PROM1: variants seen among roughly 807,000 people sequenced by gnomAD.
PROM1 encodes the protein prominin 1, also known as prominin-1.
A neutral mutation model predicts 116.9 loss-of-function variants in PROM1; 105 were observed. The ratio of observed to expected loss-of-function variants is 0.90; its 90% CI spans 0.77 to 1.06. The LOEUF is 1.06. Ranked by LOEUF, PROM1 falls within the 50% of genes least tolerant of loss-of-function variation. The pLI is 0.00. For missense variants in PROM1, 1,122 were observed against 1,045.2 expected (o/e 1.07, Z -1.01); for synonymous variants, 393 against 387.0 (o/e 1.02, Z -0.18).
intron 5 of PROM1, among the ~76,000 whole-genome samples, chr4:16,027,230 A>G (rs1376932927): frequency 1.3e-5 from 2 of 152,106 alleles, no homozygotes; most frequent in African/African-American, 4.8e-5. Context: ...AGAGTTATGA[A>G]ATCAGGCACT....
At chr4:15,991,348 C>T (rs1483306693) in intron 17 of PROM1, 55 bp from the exon 18 acceptor site, 3 of 1,213,270 alleles carry the variant, frequency 2.5e-6, no homozygotes, top group South Asian at 3.0e-5. Context: ...TAAGCCTTAA[C>T]ACAACATCTA....
At chr4:16,014,767 C>T (rs1727868925) in intron 10 of PROM1, among the ~76,000 whole-genome samples, 1 of 152,002 alleles carries the variant, frequency 6.6e-6, no homozygotes, top group African/African-American at 2.4e-5. Context: ...TCCCATAGGC[C>T]CAGGCACTCT....
At chr4:16,028,570 T>C (rs1731918479) in intron 5 of PROM1, among the ~76,000 whole-genome samples, 1 of 152,110 alleles carries the variant, frequency 6.6e-6, no homozygotes, top group Non-Finnish European at 1.5e-5. Context: ...CAAACACAAA[T>C]AAAGAACAAA....
chr4:16,031,022 G>C (rs767463129), intron 5 of PROM1, among the ~76,000 whole-genome samples: 42 of 152,064 alleles, frequency 2.8e-4, no homozygotes, highest in Non-Finnish European at 5.0e-4. Context: ...CTCCAACCTG[G>C]GTGACACAGC....
chr4:16,026,520 G>T (rs1180840209), intron 5 of PROM1, among the ~76,000 whole-genome samples: 1 of 152,178 alleles, frequency 6.6e-6, no homozygotes, highest in Non-Finnish European at 1.5e-5. Context: ...ATCAGATGCA[G>T]AAAATCAATA....
chr4:16,001,061 C>T (rs775470959), intron 13 of PROM1, among the ~76,000 whole-genome samples: 37 of 152,202 alleles, frequency 2.4e-4, no homozygotes, highest in Non-Finnish European at 2.1e-4. Flanking sequence ...CAGGTGCCAA[C>T]GTGGATGGGA....
At chr4:16,040,270 C>T (rs559795500) in intron 2 of PROM1, among the ~76,000 whole-genome samples, 8 of 57,874 alleles carry the variant, frequency 1.4e-4, no homozygotes, top group African/African-American at 3.8e-4. Context: ...GATTATGCTG[C>T]AGGAACAGAG....
intron 13 of PROM1, among the ~76,000 whole-genome samples, chr4:16,002,663 A>G (rs1228317476): frequency 7.0e-6 from 1 of 142,512 alleles, no homozygotes. Flanking sequence ...GAGAGCACAA[A>G]GAAGAAGTGA....
rs541558553 is a variant in PROM1 at position 15,985,175 on chromosome 4, T to C, written c.2280+585A>G. Reference sequence around the variant, plus strand: ...ACCAACTATTTACATAGCATGTACATTGTATTAGGTATTATAAGTAATCTA... The same window carrying C: ...ACCAACTATTTACATAGCATGTACACTGTATTAGGTATTATAAGTAATCTA... On this transcript the variant is annotated intron_variant, in intron 22 of 27. Transcript: ENST00000447510. 6.1e-4 allele frequency among the ~76,000 whole-genome samples: 93 copies of C among 152,290 alleles called. 1 individual carries two copies. Among genetic ancestry groups the C allele is most frequent in the African/African-American group, 2.1e-3 (89 of 41,536 alleles).
chr4:15,980,929 A>T (rs948753742), intron 23 of PROM1, among the ~76,000 whole-genome samples: 5 of 130,230 alleles, frequency 3.8e-5, no homozygotes, highest in Non-Finnish European at 8.6e-5. Flanking sequence ...TTTGAGTTTC[A>T]GTCCCTCTTA....
At position 16,076,017 on chromosome 4, in the gene PROM1, C is replaced by G. The variant is rs1743885553; in HGVS notation, c.-111G>C. On this transcript the variant is annotated 5_prime_UTR_variant, in exon 2 of 28. Coordinates refer to ENST00000447510, the MANE Select transcript of PROM1 (RefSeq NM_006017.3). ...TCCTGGGCAGAAGAGGAGCAGGAAG[C>G]ACTGGATCTGCTGAATCTTCAGTTT... The G allele has an allele frequency of 2.1e-6, 3 of 1,449,282 alleles. No homozygotes were observed. The highest frequency in any genetic ancestry group is 2.7e-6 in the Non-Finnish European group (3 of 1,100,516). The allele number at this position is 1,449,282 out of a possible 1,614,324, so 89.8% of individuals were successfully genotyped here.
At chr4:15,974,112 C>CTT (rs1381416420) in intron 26 of PROM1, among the ~76,000 whole-genome samples, 7 of 68,026 alleles carry the variant, frequency 1.0e-4, no homozygotes, top group African/African-American at 1.7e-4. Flanking sequence ...CACACACTCT[C>CTT]TCTCTTTCTC....
At chr4:16,077,592 G>A (rs1009258173) in intron 1 of PROM1, among the ~76,000 whole-genome samples, 6 of 152,024 alleles carry the variant, frequency 3.9e-5, no homozygotes, top group South Asian at 4.2e-4. Context: ...TCCACCTAAC[G>A]AGAAACACCC....
intron 13 of PROM1, among the ~76,000 whole-genome samples, chr4:16,004,325 C>CA (rs1293175795): frequency 1.3e-5 from 2 of 152,180 alleles, no homozygotes; most frequent in Admixed American, 1.3e-4. Context: ...CACAGGTCTC[C>CA]ATGTCTATAG....
chr4:15,984,502 G>A, intron 22 of PROM1, 147 bp from the exon 23 acceptor site: 2 of 551,684 alleles, frequency 3.6e-6, no homozygotes, highest in Non-Finnish European at 6.4e-6. Context: ...GGTCACAGAT[G>A]GATACCAGCT....
chr4:15,973,070 G>C (rs1259562281), intron 26 of PROM1, among the ~76,000 whole-genome samples: 1 of 152,206 alleles, frequency 6.6e-6, no homozygotes, highest in Non-Finnish European at 1.5e-5. Context: ...ACCTACACAG[G>C]TGAGGGTCAG....
chr4:16,071,608 CCT>C (rs1267074167), intron 2 of PROM1, among the ~76,000 whole-genome samples: 1 of 152,028 alleles, frequency 6.6e-6, no homozygotes, highest in African/African-American at 2.4e-5. Context: ...ATCTTTTCAC[CCT>C]CTCTCCAGGA....
At chr4:16,020,365 T>TATC (rs1222909767) in intron 8 of PROM1, among the ~76,000 whole-genome samples, 1 of 152,110 alleles carries the variant, frequency 6.6e-6, no homozygotes, top group Admixed American at 6.5e-5. Flanking sequence ...GCACCCTGGG[T>TATC]ATCAGTTTTT....
At chr4:16,006,762 A>G in intron 12 of PROM1, 72 bp from the exon 13 acceptor site, 1 of 1,484,172 alleles carries the variant, frequency 6.7e-7, no homozygotes, top group East Asian at 2.4e-5. Context: ...CTGCTGGACT[A>G]AGGCTGGAGC....
Sources: allele counts gnomAD v4.1 joint callset (sites outside exome capture counted in the v4.1 genomes callset), GRCh38; gene constraint gnomAD v4.1.1; transcripts MANE v1.5; gene names NCBI Gene and HGNC (gene_info 2026-07-23, HGNC 2026-07-21).